Variants in TRIM9 observed in about 807,000 individuals in gnomAD.
The protein encoded by TRIM9 is tripartite motif containing 9.
Under a neutral mutation model 78.3 loss-of-function variants are expected in TRIM9, and 26 were observed. The observed-to-expected ratio is 0.33, with a 90% CI of 0.24 to 0.46. The LOEUF (loss-of-function observed/expected upper bound fraction) is 0.46. Ranked by LOEUF, TRIM9 falls within the 20% of genes least tolerant of loss-of-function variation. The pLI is 1.00. For synonymous variants in TRIM9, 398 were observed against 416.5 expected (o/e 0.96, Z 0.54); for missense variants, 787 against 1,036.4 (o/e 0.76, Z 3.30).
intron 3 of TRIM9, among the ~76,000 whole-genome samples, chr14:51,017,512 G>A (rs78976413): frequency 7.2e-5 from 11 of 152,284 alleles, no homozygotes; most frequent in East Asian, 3.9e-4. Flanking sequence ...CTGTATCCTC[G>A]TACAGAGAAG....
chr14:51,017,617 A>G (rs2057340159), intron 3 of TRIM9, among the ~76,000 whole-genome samples: 2 of 152,254 alleles, frequency 1.3e-5, no homozygotes, highest in South Asian at 4.1e-4. Context: ...GGTGGGTTGC[A>G]ATAAGAGTGA....
At chr14:51,081,315 G>C (rs1364716057) in intron 1 of TRIM9, among the ~76,000 whole-genome samples, 1 of 152,156 alleles carries the variant, frequency 6.6e-6, no homozygotes, top group African/African-American at 2.4e-5. Context: ...ACATCCACTA[G>C]AAAGACTATA....
At chr14:51,001,011 G>T (rs530039858) in intron 5 of TRIM9, among the ~76,000 whole-genome samples, 171 bp from the exon 6 acceptor site, 5 of 152,224 alleles carry the variant, frequency 3.3e-5, no homozygotes, top group Non-Finnish European at 7.4e-5. Flanking sequence ...ACTGGCTCCT[G>T]ATTTGCTGTG....
At chr14:51,093,068 G>GCC (rs1337053718) in intron 1 of TRIM9, among the ~76,000 whole-genome samples, 2 of 152,138 alleles carry the variant, frequency 1.3e-5, no homozygotes, top group African/African-American at 4.8e-5. Flanking sequence ...AAGCAGTGTG[G>GCC]CTGGAGCAGA....
intron 1 of TRIM9, among the ~76,000 whole-genome samples, chr14:51,050,883 T>C (rs1360272870): frequency 6.6e-6 from 1 of 152,154 alleles, no homozygotes; most frequent in Non-Finnish European, 1.5e-5. Context: ...AGACAGGGAT[T>C]CTACAACCCT....
chr14:51,010,565 T>C (rs539877748), intron 3 of TRIM9, 71 bp from the exon 4 acceptor site: 1 of 1,119,048 alleles, frequency 8.9e-7, no homozygotes, highest in African/African-American at 1.6e-5. Flanking sequence ...ACTGGACCAT[T>C]GGAAAGCTTC....
intron 1 of TRIM9, among the ~76,000 whole-genome samples, chr14:51,045,018 T>C (rs2059844831): frequency 6.6e-6 from 1 of 152,074 alleles, no homozygotes; most frequent in Non-Finnish European, 1.5e-5. Context: ...AAGAGGGCGG[T>C]TGGTTCTCAA....
At chr14:50,995,313 T>C (rs2054063437) in intron 7 of TRIM9, among the ~76,000 whole-genome samples, 1 of 152,232 alleles carries the variant, frequency 6.6e-6, no homozygotes, top group African/African-American at 2.4e-5. Flanking sequence ...ACTATTTATA[T>C]GTTTATTTCT....
At chr14:50,992,361 T>C (rs2139419466) in intron 7 of TRIM9, among the ~76,000 whole-genome samples, 1 of 151,900 alleles carries the variant, frequency 6.6e-6, no homozygotes, top group South Asian at 2.1e-4. Context: ...GAGGATCGCT[T>C]GAGGCCGGGA....
At chr14:50,997,913 C>T (rs553290966) in intron 7 of TRIM9, 137 bp downstream of exon 7, 21 of 1,485,268 alleles carry the variant, frequency 1.4e-5, no homozygotes, top group African/African-American at 5.6e-5. Flanking sequence ...AGAGGAACAG[C>T]GGCTCTGTGC....
intron 1 of TRIM9, among the ~76,000 whole-genome samples, chr14:51,082,788 C>A (rs2063418396): frequency 6.6e-6 from 1 of 152,142 alleles, no homozygotes; most frequent in Non-Finnish European, 1.5e-5. Context: ...AAAAAAGTGA[C>A]TTGTTGTTCC....
chr14:51,094,721 C>T lies in TRIM9; in HGVS notation c.219G>A (p.Glu73=). The T allele has an allele frequency of 1.3e-6, 2 of 1,554,862 alleles. No individual in the cohort carries two copies. Among genetic ancestry groups the T allele is most frequent in the South Asian group, 2.5e-5 (2 of 81,600 alleles). ...CGTAGGAGCCATAGCCGCTGTCCGC[C>T]TCGCTGTATAGGCTCATCTTGTCCA... ...LDLDKMSLYS[E]ADSGYGSYGG... is the part of the protein sequence containing the mutation. The change falls in exon 1 of 13, where the codon GAG becomes GAA. Residue 73 remains glutamate (E), a synonymous_variant. Coordinates refer to ENST00000684578, the MANE Select transcript of TRIM9 (RefSeq NM_001387360.1).
chr14:51,014,480 C>T (rs2056931020), intron 3 of TRIM9, among the ~76,000 whole-genome samples: 1 of 152,150 alleles, frequency 6.6e-6, no homozygotes, highest in South Asian at 2.1e-4. Context: ...ACAATGATCA[C>T]AATAGCTTGT....
At chr14:50,987,968 T>G (rs1480589280) in intron 7 of TRIM9, among the ~76,000 whole-genome samples, 2 of 151,994 alleles carry the variant, frequency 1.3e-5, no homozygotes, top group Non-Finnish European at 2.9e-5. Flanking sequence ...GCCCAGCTAA[T>G]TTTTCTATTT....
At chr14:50,982,855 T>TGTAA (rs1469869810) in intron 10 of TRIM9, 87 bp downstream of exon 10, 1 of 1,252,860 alleles carries the variant, frequency 8.0e-7, no homozygotes, top group Non-Finnish European at 1.1e-6. Context: ...ACTCGAGAGA[T>TGTAA]GTAATTGCTG....
chr14:51,083,034 G>A lies in TRIM9; in HGVS notation c.822+11084C>T, dbSNP rs1596327195. 2.6e-5 allele frequency among the ~76,000 whole-genome samples: 4 copies of A among 152,180 alleles called. No homozygotes were observed. In the South Asian group the frequency reaches 8.3e-4, roughly 32 times the overall value. ...GAATAGTAATGGTTCTTGCCTCATGGAGTTGTGGGAATTCCCTCAGTTAAC... is the reference window on the plus strand; with the variant it reads ...GAATAGTAATGGTTCTTGCCTCATGAAGTTGTGGGAATTCCCTCAGTTAAC... On this transcript the variant is annotated intron_variant, in intron 1 of 12. Transcript: ENST00000684578.
At chr14:51,044,954 T>C (rs1030672731) in intron 1 of TRIM9, among the ~76,000 whole-genome samples, 1 of 152,184 alleles carries the variant, frequency 6.6e-6, no homozygotes, top group African/African-American at 2.4e-5. Flanking sequence ...ATTATAGCTG[T>C]AGTATACCTT....
intron 1 of TRIM9, among the ~76,000 whole-genome samples, chr14:51,033,929 C>G (rs909989962): frequency 1.3e-5 from 2 of 152,086 alleles, no homozygotes; most frequent in Non-Finnish European, 2.9e-5. Context: ...AGAGAATATA[C>G]CCATTGAATG....
chr14:51,058,216 C>A (rs539499490), intron 1 of TRIM9, among the ~76,000 whole-genome samples: 39 of 152,288 alleles, frequency 2.6e-4, no homozygotes, highest in African/African-American at 9.1e-4. Context: ...CAGGATGGCA[C>A]AATCATGGAA....
Sources: allele counts gnomAD v4.1 joint callset (sites outside exome capture counted in the v4.1 genomes callset), GRCh38; gene constraint gnomAD v4.1.1; transcripts MANE v1.5; gene names NCBI Gene and HGNC (gene_info 2026-07-23, HGNC 2026-07-21).